The following CLEC16A variants were observed in gnomAD, a reference collection of about 807,000 sequenced individuals.
CLEC16A encodes the protein protein CLEC16A.
In CLEC16A, 51 loss-of-function variants were observed where a neutral mutation model predicts 109.5. That is an observed-to-expected ratio of 0.47 (90% confidence interval 0.37 to 0.59). The LOEUF is 0.59. Among genes scored for constraint, CLEC16A ranks in the 20% least tolerant of loss-of-function variants. The pLI is 0.00. For synonymous variants in CLEC16A, 673 were observed against 564.2 expected, an observed-to-expected ratio of 1.19 and a Z score of -2.73; for missense variants, 1,339 against 1,394.0, an observed-to-expected ratio of 0.96 and a Z score of 0.63.
chr16:11,037,525 C>G (rs2047090030), intron 13 of CLEC16A, among the ~76,000 whole-genome samples: 2 of 152,148 alleles, frequency 1.3e-5, no homozygotes, highest in Non-Finnish European at 2.9e-5. Context: ...AGAGCTTGCC[C>G]CAGATTTCCT....
At chr16:11,102,526 C>T (rs913886460) in intron 19 of CLEC16A, among the ~76,000 whole-genome samples, 6 of 152,220 alleles carry the variant, frequency 3.9e-5, no homozygotes, top group African/African-American at 9.6e-5. Flanking sequence ...TTCTGCCAAA[C>T]GGCTATAAAT....
chr16:11,063,467 C>T (rs2048600086), intron 19 of CLEC16A, among the ~76,000 whole-genome samples: 1 of 151,822 alleles, frequency 6.6e-6, no homozygotes, highest in Non-Finnish European at 1.5e-5. Context: ...GTTTTTGTCT[C>T]CCTGATGAAC....
chr16:11,150,194 C>G (rs1222883987), intron 22 of CLEC16A: 5 of 152,188 alleles, frequency 3.3e-5, no homozygotes, highest in African/African-American at 9.7e-5. Flanking sequence ...GGCCTTTTAC[C>G]TCCTAAAGAT....
intron 3 of CLEC16A, among the ~76,000 whole-genome samples, chr16:10,965,186 A>G (rs1170042149): frequency 6.6e-6 from 1 of 152,090 alleles, no homozygotes; most frequent in Non-Finnish European, 1.5e-5. Flanking sequence ...GCTGTGGGAA[A>G]CCCAGGCAGA....
At chr16:11,118,432 C>A (rs2052165975) in intron 19 of CLEC16A, among the ~76,000 whole-genome samples, 1 of 152,208 alleles carries the variant, frequency 6.6e-6, no homozygotes, top group African/African-American at 2.4e-5. Context: ...CTGTACACAT[C>A]CAATGCCCAT....
chr16:11,170,087 C>T lies in CLEC16A; in HGVS notation c.2806+3535C>T, dbSNP rs182168900. On this transcript the variant is annotated intron_variant, in intron 23 of 23. Transcript: ENST00000409790. ...CTAAAGCCCATGCCAGCAGAATATC[C>T]GATGCGGTTTCCAAGACTGTCTCAG... Among the ~76,000 whole-genome samples, 6 of 152,286 alleles carry T rather than the reference C, an allele frequency of 3.9e-5. No individual in the cohort carries two copies. The East Asian group carries it at 7.7e-4, about 20-fold the overall frequency.
intron 19 of CLEC16A, among the ~76,000 whole-genome samples, chr16:11,097,512 C>CT (rs1370126947): frequency 6.6e-6 from 1 of 152,160 alleles, no homozygotes; most frequent in Non-Finnish European, 1.5e-5. Context: ...TATTATTTTA[C>CT]TTCCTTCTTT....
intron 22 of CLEC16A, among the ~76,000 whole-genome samples, chr16:11,155,417 C>T (rs2054472124): frequency 6.6e-6 from 1 of 152,174 alleles, no homozygotes; most frequent in African/African-American, 2.4e-5. Flanking sequence ...AAGTGACAAG[C>T]CTAAAGCCAA....
chr16:11,165,635 CAAGAG>C (rs1427354304), intron 22 of CLEC16A, among the ~76,000 whole-genome samples: 3 of 152,118 alleles, frequency 2.0e-5, no homozygotes, highest in Admixed American at 6.5e-5. Context: ...GGGAAAGACT[CAAGAG>C]AAACACAATA....
intron 17 of CLEC16A, 157 bp downstream of exon 17, chr16:11,047,499 C>T (rs984253208): frequency 3.7e-5 from 16 of 437,138 alleles, no homozygotes; most frequent in African/African-American, 3.3e-4. Context: ...CTTGTGATCC[C>T]CACCACTGTT....
intron 14 of CLEC16A, 41 bp from the exon 15 acceptor site, chr16:11,042,213 C>T: frequency 6.7e-7 from 1 of 1,491,968 alleles, no homozygotes; most frequent in Non-Finnish European, 9.1e-7. Flanking sequence ...TAAGGGCGCC[C>T]CACCCTGGGT....
chr16:11,156,134 G>A (rs1018927139), intron 22 of CLEC16A, among the ~76,000 whole-genome samples: 1 of 152,160 alleles, frequency 6.6e-6, no homozygotes, highest in Non-Finnish European at 1.5e-5. Context: ...GGCCAAGACG[G>A]CTGGATCACC....
chr16:11,155,196 G>A (rs936670483), intron 22 of CLEC16A, among the ~76,000 whole-genome samples: 2 of 152,084 alleles, frequency 1.3e-5, no homozygotes, highest in African/African-American at 2.4e-5. Flanking sequence ...AATTCCAGCC[G>A]AGGAATCAAA....
intron 19 of CLEC16A, among the ~76,000 whole-genome samples, chr16:11,102,941 A>G (rs1457745259): frequency 6.6e-6 from 1 of 152,236 alleles, no homozygotes; most frequent in African/African-American, 2.4e-5. Flanking sequence ...GAGGTCCCAC[A>G]CTGGTAAGGG....
chr16:11,022,300 G>A (rs1244879806), intron 12 of CLEC16A, among the ~76,000 whole-genome samples: 3 of 144,808 alleles, frequency 2.1e-5, no homozygotes, highest in Non-Finnish European at 3.0e-5. Flanking sequence ...AACTTGAGCA[G>A]TTGGGACTAC....
intron 19 of CLEC16A, among the ~76,000 whole-genome samples, chr16:11,100,404 C>A (rs547312688): frequency 6.6e-6 from 1 of 152,320 alleles, no homozygotes; most frequent in Admixed American, 6.5e-5. Flanking sequence ...GTGAAGTCAC[C>A]CCTGCTCCTG....
At chr16:11,080,157 G>A (rs9652600) in intron 19 of CLEC16A, among the ~76,000 whole-genome samples, 22,089 of 152,204 alleles carry the variant, frequency 0.15, 1,701 homozygotes, top group African/African-American at 0.21. Flanking sequence ...TCCCGTGCGC[G>A]TCCATCCATC....
chr16:11,047,318 T>C lies in CLEC16A; in HGVS notation c.1842T>C (p.Phe614=). ...GAGAAGACATTTTTTTGGACATGTTTGAAGATGAGTATAGGAGCATGACAG... is the reference window on the plus strand; with the variant it reads ...GAGAAGACATTTTTTTGGACATGTTCGAAGATGAGTATAGGAGCATGACAG... ...YKGEDIFLDM[F]EDEYRSMTMK... Residue 614 remains phenylalanine (F), a synonymous_variant, in exon 17 of 24, where the codon TTT becomes TTC. Coordinates refer to ENST00000409790, the MANE Select transcript of CLEC16A (RefSeq NM_015226.3). 1 of 1,611,574 alleles carries C rather than the reference T, an allele frequency of 6.2e-7. No homozygotes were observed. The highest frequency in any genetic ancestry group is 8.5e-7 in the Non-Finnish European group (1 of 1,178,824).
Position 10,991,146 on chromosome 16 carries a change from G to A in CLEC16A, c.1071+8155G>A, listed in dbSNP as rs571962138. Among the ~76,000 whole-genome samples, 30 of 152,224 alleles carry A rather than the reference G, an allele frequency of 2.0e-4. No individual in the cohort carries two copies. The South Asian group carries it at 3.7e-3, about 19-fold the overall frequency. ...TAACATCAGGGCACGTTAGATGTGA[G>A]AAGCCCTGGGAAAACAGTAGTGAAG... On this transcript the variant is annotated intron_variant, in intron 10 of 23. Coordinates refer to ENST00000409790, the MANE Select transcript of CLEC16A (RefSeq NM_015226.3).
Sources: gnomAD v4.1 joint callset for allele counts (sites outside exome capture counted in the v4.1 genomes callset) on GRCh38, gnomAD v4.1.1 for gene constraint, MANE v1.5 for transcripts, NCBI Gene and HGNC (gene_info 2026-07-23, HGNC 2026-07-21) for gene names.